The following SUGCT variants were observed in gnomAD, a reference collection of about 807,000 sequenced individuals.
SUGCT encodes the protein succinyl-CoA:glutarate-CoA transferase.
SUGCT carries 41 observed loss-of-function variants against 55.0 expected under a neutral mutation model. The observed-to-expected ratio is 0.74, with a 90% CI of 0.58 to 0.97. The LOEUF (loss-of-function observed/expected upper bound fraction) is 0.97. Ranked by LOEUF, SUGCT falls within the 50% of genes least tolerant of loss-of-function variation. SUGCT has a pLI of 0.00. For missense variants in SUGCT, 568 were observed against 547.8 expected, an observed-to-expected ratio of 1.04 and a Z score of -0.37; for synonymous variants, 187 against 200.4, an observed-to-expected ratio of 0.93 and a Z score of 0.56.
intron 9 of SUGCT, among the ~76,000 whole-genome samples, chr7:40,377,873 T>A (rs1210938341): frequency 3.3e-5 from 5 of 152,216 alleles, no homozygotes; most frequent in South Asian, 2.1e-4. Context: ...ATGTTTTTGT[T>A]TGTGTTTTCT....
intron 12 of SUGCT, among the ~76,000 whole-genome samples, chr7:40,667,913 A>G (rs557427575): frequency 1.4e-4 from 21 of 152,250 alleles, no homozygotes; most frequent in Admixed American, 9.8e-4. Context: ...AACCCTTTGT[A>G]TGGATTTGTG....
chr7:40,787,745 T>C (rs1253769258), intron 13 of SUGCT, among the ~76,000 whole-genome samples: 1 of 143,478 alleles, frequency 7.0e-6, no homozygotes, highest in Non-Finnish European at 1.5e-5. Flanking sequence ...GCTAGCATGA[T>C]AGAAAATGTT....
At chr7:40,136,543 C>T (rs1295030999) in intron 1 of SUGCT, among the ~76,000 whole-genome samples, 1 of 152,186 alleles carries the variant, frequency 6.6e-6, no homozygotes, top group Non-Finnish European at 1.5e-5. Flanking sequence ...CACTACATTT[C>T]GTTTCTTCTG....
intron 12 of SUGCT, among the ~76,000 whole-genome samples, chr7:40,604,080 G>A (rs138553032): frequency 1.3e-5 from 2 of 151,692 alleles, no homozygotes; most frequent in South Asian, 2.1e-4. Context: ...GCATAGGAGT[G>A]GGGGAGGTTC....
chr7:40,968,138 CTCT>C, the SUGCT span: 5 of 152,282 alleles, frequency 3.3e-5, no homozygotes, highest in East Asian at 9.7e-4. Flanking sequence ...GGATCAATTC[CTCT>C]TCTTGTCCAC....
the SUGCT span, among the ~76,000 whole-genome samples, chr7:40,959,368 G>A: frequency 5.9e-5 from 9 of 152,244 alleles, no homozygotes; most frequent in African/African-American, 2.2e-4. Context: ...GCCCTGCCTA[G>A]AGGGGAGGAA....
intron 9 of SUGCT, chr7:40,388,230 C>A (rs542541465): frequency 5.2e-4 from 79 of 152,252 alleles, no homozygotes; most frequent in African/African-American, 1.9e-3. Flanking sequence ...CCTTCATAAA[C>A]TGCTAAAAAA....
At chr7:40,139,648 A>T (rs1483546623) in intron 1 of SUGCT, among the ~76,000 whole-genome samples, 1 of 152,130 alleles carries the variant, frequency 6.6e-6, no homozygotes, top group African/African-American at 2.4e-5. Context: ...TTGGATATGT[A>T]GTTTGCAGAT....
intron 5 of SUGCT, among the ~76,000 whole-genome samples, chr7:40,193,287 T>TTTG (rs1786035143): frequency 7.2e-6 from 1 of 138,920 alleles, no homozygotes; most frequent in Non-Finnish European, 1.6e-5. Flanking sequence ...TGTGTTTTTT[T>TTTG]TTTTTTTTTT....
chr7:40,521,822 C>T (rs143512024), intron 12 of SUGCT, among the ~76,000 whole-genome samples: 20 of 152,068 alleles, frequency 1.3e-4, no homozygotes, highest in African/African-American at 4.3e-4. Flanking sequence ...TCTTCATTTG[C>T]GCTAATAATA....
the SUGCT span, among the ~76,000 whole-genome samples, chr7:40,958,999 G>A: frequency 6.6e-6 from 1 of 152,210 alleles, no homozygotes; most frequent in Non-Finnish European, 1.5e-5. Flanking sequence ...AGCAGAGGCT[G>A]CAGAACAGCA....
At chr7:40,680,382 C>G (rs1784181664) in intron 12 of SUGCT, among the ~76,000 whole-genome samples, 1 of 152,118 alleles carries the variant, frequency 6.6e-6, no homozygotes, top group Admixed American at 6.5e-5. Context: ...CTCTCTTTGG[C>G]TTATTCATGA....
At chr7:40,799,692 T>A (rs1790717232) in intron 13 of SUGCT, among the ~76,000 whole-genome samples, 1 of 152,226 alleles carries the variant, frequency 6.6e-6, no homozygotes, top group African/African-American at 2.4e-5. Flanking sequence ...GGACTTTGCA[T>A]CCTGTCGTTT....
At chr7:40,478,734 G>A (rs573861239) in intron 11 of SUGCT, among the ~76,000 whole-genome samples, 37 of 152,124 alleles carry the variant, frequency 2.4e-4, no homozygotes, top group African/African-American at 8.9e-4. Flanking sequence ...ATAAAGTATC[G>A]TTAACTGCAG....
At chr7:40,216,452 A>G (rs1474199976) in intron 6 of SUGCT, among the ~76,000 whole-genome samples, 5 of 147,500 alleles carry the variant, frequency 3.4e-5, no homozygotes, top group Non-Finnish European at 7.4e-5. Flanking sequence ...GTGAGCCAAG[A>G]TCGTGCCACT....
At chr7:40,939,946 T>C in the SUGCT span, among the ~76,000 whole-genome samples, 1 of 152,030 alleles carries the variant, frequency 6.6e-6, no homozygotes, top group South Asian at 2.1e-4. Context: ...TATAAATTCA[T>C]TGACTAGTCA....
chr7:40,376,067 A>G (rs190280234), intron 9 of SUGCT, among the ~76,000 whole-genome samples: 1 of 152,356 alleles, frequency 6.6e-6, no homozygotes, highest in Non-Finnish European at 1.5e-5. Context: ...TAGATATCTC[A>G]TGAAAATTTC....
chr7:40,998,932 C>A, the SUGCT span, among the ~76,000 whole-genome samples: 3 of 152,180 alleles, frequency 2.0e-5, no homozygotes, highest in African/African-American at 4.8e-5. Flanking sequence ...AAAGAAAACA[C>A]TGCAAAGGGA....
intron 13 of SUGCT, among the ~76,000 whole-genome samples, chr7:40,809,569 GC>G (rs1791296879): frequency 6.6e-6 from 1 of 152,032 alleles, no homozygotes; most frequent in African/African-American, 2.4e-5. Context: ...GGTTCCTCAA[GC>G]TCTTTCACAA....
Sources: gnomAD v4.1 joint callset for allele counts (sites outside exome capture counted in the v4.1 genomes callset) on GRCh38, gnomAD v4.1.1 for gene constraint, MANE v1.5 for transcripts, NCBI Gene and HGNC (gene_info 2026-07-23, HGNC 2026-07-21) for gene names.